The following PEAK1 variants were observed in gnomAD, a reference collection of about 807,000 sequenced individuals.
PEAK1 encodes the protein pseudopodium enriched atypical kinase 1, also known as inactive tyrosine-protein kinase PEAK1.
PEAK1 carries 54 observed loss-of-function variants against 124.7 expected under a neutral mutation model. The observed-to-expected ratio is 0.43, with a 90% confidence interval of 0.35 to 0.54. PEAK1 has a LOEUF of 0.54. Ranked by LOEUF, PEAK1 falls within the 20% of genes least tolerant of loss-of-function variation. The pLI is 0.01. For missense variants in PEAK1, 2,046 were observed against 2,134.5 expected (o/e 0.96, Z 0.82); for synonymous variants, 719 against 760.0 (o/e 0.95, Z 0.89).
Position 77,291,955 on chromosome 15 carries a change from C to T in PEAK1, c.-602-5451G>A, listed in dbSNP as rs550726129. The stretch of plus-strand genomic sequence containing the variant: ...TTGTGCCACTGCACTTCAGCCTGGG[C>T]GACGGAGCAAGACTCCGTCTCAAAA... On this transcript the variant is annotated intron_variant, in intron 2 of 9. Coordinates refer to ENST00000682557, the MANE Select transcript of PEAK1 (RefSeq NM_001385026.1). Among the ~76,000 whole-genome samples, 164 of 133,160 alleles carry T rather than the reference C, an allele frequency of 1.2e-3. 2 individuals are homozygous for T. The highest frequency in any genetic ancestry group is 9.1e-3 in the Middle Eastern group (2 of 220). 87.4% of individuals were successfully genotyped at this position (133,160 alleles called of 152,430 possible).
chr15:77,388,805 A>AT (rs2070185514), intron 1 of PEAK1, among the ~76,000 whole-genome samples: 1 of 92,162 alleles, frequency 1.1e-5, no homozygotes, highest in Admixed American at 1.1e-4. Flanking sequence ...ACTTCACACT[A>AT]CAAAAAAAAA....
At chr15:77,300,663 T>C (rs994378203) in intron 2 of PEAK1, among the ~76,000 whole-genome samples, 1 of 152,182 alleles carries the variant, frequency 6.6e-6, no homozygotes, top group African/African-American at 2.4e-5. Context: ...CTTCAGTTTT[T>C]CCTTAATGCC....
At chr15:77,195,289 GAGA>G in intron 6 of PEAK1, among the ~76,000 whole-genome samples, 2 of 152,178 alleles carry the variant, frequency 1.3e-5, no homozygotes, top group Middle Eastern at 6.8e-3. Context: ...AAGGAACATA[GAGA>G]ACTAAAATTT....
chr15:77,294,466 G>C (rs1260526525), intron 2 of PEAK1, among the ~76,000 whole-genome samples: 1 of 152,140 alleles, frequency 6.6e-6, no homozygotes, highest in Non-Finnish European at 1.5e-5. Context: ...AAGTTATCGA[G>C]AGGTCTGAAT....
chr15:77,302,749 T>C (rs1232963596), intron 2 of PEAK1, among the ~76,000 whole-genome samples: 1 of 152,176 alleles, frequency 6.6e-6, no homozygotes, highest in Non-Finnish European at 1.5e-5. Flanking sequence ...TTGCATTCCA[T>C]CCTGGAAACT....
intron 6 of PEAK1, among the ~76,000 whole-genome samples, chr15:77,229,781 G>A (rs1399807838): frequency 6.6e-6 from 1 of 151,664 alleles, no homozygotes; most frequent in African/African-American, 2.4e-5. Context: ...CTGAGTAACT[G>A]GGATTACAGG....
chr15:77,166,511 C>T (rs1476897063), intron 7 of PEAK1, among the ~76,000 whole-genome samples: 1 of 152,188 alleles, frequency 6.6e-6, no homozygotes, highest in Non-Finnish European at 1.5e-5. Context: ...GTTGGAATTA[C>T]CCCCTCCCAG....
intron 5 of PEAK1, among the ~76,000 whole-genome samples, chr15:77,262,930 G>C (rs2061518591): frequency 2.0e-5 from 3 of 152,130 alleles, no homozygotes; most frequent in Admixed American, 6.5e-5. Context: ...AATCAAACTA[G>C]AACTCAGGAT....
At chr15:77,387,280 A>C (rs1034485054) in intron 1 of PEAK1, among the ~76,000 whole-genome samples, 3 of 152,198 alleles carry the variant, frequency 2.0e-5, no homozygotes, top group Non-Finnish European at 2.9e-5. Context: ...AAGTTACCTG[A>C]TACTTTACTC....
chr15:77,381,916 A>G (rs529215111), intron 1 of PEAK1, among the ~76,000 whole-genome samples: 1 of 152,336 alleles, frequency 6.6e-6, no homozygotes, highest in East Asian at 1.9e-4. Context: ...GCTTTGCCAA[A>G]ATTTGGAATA....
At chr15:77,127,851 G>A (rs1054030487) in intron 9 of PEAK1, among the ~76,000 whole-genome samples, 1 of 152,114 alleles carries the variant, frequency 6.6e-6, no homozygotes, top group Non-Finnish European at 1.5e-5. Context: ...AGGCTGAGGC[G>A]GGTGGATCAT....
At chr15:77,306,705 C>T (rs1336901116) in intron 2 of PEAK1, among the ~76,000 whole-genome samples, 1 of 152,122 alleles carries the variant, frequency 6.6e-6, no homozygotes, top group Non-Finnish European at 1.5e-5. Flanking sequence ...ATGATAATCA[C>T]AGTCAACCAA....
intron 9 of PEAK1, among the ~76,000 whole-genome samples, chr15:77,116,982 G>A (rs2051444682): frequency 6.6e-6 from 1 of 152,040 alleles, no homozygotes; most frequent in African/African-American, 2.4e-5. Context: ...CATAACATTT[G>A]TTATTTTTGT....
At chr15:77,108,110 C>T (rs2050785213), downstream of PEAK1, 1 of 152,222 alleles carries the variant, frequency 6.6e-6, no homozygotes, top group Non-Finnish European at 1.5e-5. Context: ...CAAACCCTCC[C>T]CAGCATGTCA....
At chr15:77,350,644 C>T in intron 2 of PEAK1, 3 of 983,146 alleles carry the variant, frequency 3.1e-6, no homozygotes, top group Non-Finnish European at 3.6e-6. Flanking sequence ...CAGCTTGTGA[C>T]ATAGCATCAC....
intron 1 of PEAK1, among the ~76,000 whole-genome samples, chr15:77,383,880 T>C (rs2069694850): frequency 2.0e-5 from 3 of 152,230 alleles, no homozygotes; most frequent in South Asian, 2.1e-4. Flanking sequence ...TGGTGCACTT[T>C]AACTCAGTTA....
At chr15:77,297,276 C>A (rs1332768723) in intron 2 of PEAK1, among the ~76,000 whole-genome samples, 1 of 151,800 alleles carries the variant, frequency 6.6e-6, no homozygotes, top group Non-Finnish European at 1.5e-5. Context: ...GTTTTCACTG[C>A]CTCTGATAGT....
Position 77,334,240 on chromosome 15 carries a change from T to C in PEAK1, c.-603+30923A>G, listed in dbSNP as rs1015642605. The C allele has an allele frequency of 1.1e-5, 11 of 984,570 alleles. No individual in the cohort carries two copies. The African/African-American group carries it at 1.6e-4, about 14-fold the overall frequency. The allele number at this position is 984,570 out of a possible 1,614,324, so 61.0% of individuals were successfully genotyped here. A position where few individuals can be genotyped will look rare whatever the true frequency, so the allele number is the denominator to read the frequency against. On this transcript the variant is annotated intron_variant, in intron 2 of 9. Coordinates refer to ENST00000682557, the MANE Select transcript of PEAK1 (RefSeq NM_001385026.1). ...ACTAACCACATAATTTTAGTTCAAA[T>C]AGGCTTTCAGGTAATTTTCCTAGAT...
intron 6 of PEAK1, among the ~76,000 whole-genome samples, chr15:77,231,143 G>A (rs958247526): frequency 2.0e-5 from 3 of 151,944 alleles, no homozygotes; most frequent in African/African-American, 7.2e-5. Flanking sequence ...ACAGTGATAT[G>A]AGGTACTTGA....
Sources: gnomAD v4.1 joint callset for allele counts (sites outside exome capture counted in the v4.1 genomes callset) on GRCh38, gnomAD v4.1.1 for gene constraint, MANE v1.5 for transcripts, NCBI Gene and HGNC (gene_info 2026-07-23, HGNC 2026-07-21) for gene names.